Variants in SHANK2 observed in about 807,000 individuals in gnomAD.
SHANK2 encodes SH3 and multiple ankyrin repeat domains protein 2.
A neutral mutation model predicts 133.7 loss-of-function variants in SHANK2; 43 were observed. The ratio of observed to expected loss-of-function variants is 0.32; its 90% CI spans 0.25 to 0.41. SHANK2 has a LOEUF of 0.41. Among genes scored for constraint, SHANK2 ranks in the 10% least tolerant of loss-of-function variants. The pLI, the probability that SHANK2 is intolerant of heterozygous loss-of-function variation, is 1.00. For missense variants in SHANK2, 1,994 were observed against 2,235.8 expected, an observed-to-expected ratio of 0.89 and a Z score of 2.18; for synonymous variants, 1,017 against 952.8, an observed-to-expected ratio of 1.07 and a Z score of -1.24.
At chr11:71,060,644 C>T (rs1346799443) in intron 9 of SHANK2, among the ~76,000 whole-genome samples, 3 of 152,348 alleles carry the variant, frequency 2.0e-5, no homozygotes, top group Non-Finnish European at 2.9e-5. Flanking sequence ...GGGACAGATG[C>T]CCATGGAGCT....
chr11:70,516,826 T>TG (rs1391247841), intron 17 of SHANK2, among the ~76,000 whole-genome samples: 3 of 152,100 alleles, frequency 2.0e-5, no homozygotes, highest in Non-Finnish European at 2.9e-5. Context: ...CCCAGCACTT[T>TG]GGGGGGCCGA....
At chr11:71,190,471 G>T (rs1425942964) in intron 2 of SHANK2, among the ~76,000 whole-genome samples, 1 of 152,168 alleles carries the variant, frequency 6.6e-6, no homozygotes, top group Non-Finnish European at 1.5e-5. Context: ...TGGGAGAAAG[G>T]GACGTCTATA....
chr11:70,628,574 G>A (rs1286032727), intron 17 of SHANK2, among the ~76,000 whole-genome samples: 10 of 152,202 alleles, frequency 6.6e-5, no homozygotes, highest in African/African-American at 2.2e-4. Flanking sequence ...CAGAGGAGGA[G>A]CCTAAGGCGG....
At chr11:71,130,531 G>A (rs1454986983) in intron 3 of SHANK2, among the ~76,000 whole-genome samples, 1 of 152,212 alleles carries the variant, frequency 6.6e-6, no homozygotes, top group Non-Finnish European at 1.5e-5. Flanking sequence ...GACAAAGCTT[G>A]AGAAAATGGT....
intron 3 of SHANK2, among the ~76,000 whole-genome samples, chr11:71,137,438 A>G (rs1398765296): frequency 6.6e-6 from 1 of 152,082 alleles, no homozygotes; most frequent in Non-Finnish European, 1.5e-5. Context: ...TGGGCTTTCA[A>G]CAGAGAAGGT....
chr11:70,933,374 C>T (rs1950527659), intron 10 of SHANK2: 1 of 452,696 alleles, frequency 2.2e-6, no homozygotes, highest in Non-Finnish European at 4.4e-6. Flanking sequence ...GAGGAGGGAA[C>T]AAAGAGTTGG....
intron 17 of SHANK2, among the ~76,000 whole-genome samples, chr11:70,657,779 G>GT (rs1474819563): frequency 6.6e-6 from 1 of 152,212 alleles, no homozygotes; most frequent in Non-Finnish European, 1.5e-5. Flanking sequence ...CATACCAGAG[G>GT]TTAAAAGCAA....
intron 17 of SHANK2, among the ~76,000 whole-genome samples, chr11:70,624,831 G>C (rs2060882646): frequency 6.6e-6 from 1 of 152,224 alleles, no homozygotes; most frequent in Non-Finnish European, 1.5e-5. Flanking sequence ...TTCCACACCT[G>C]GCAGGGCGGC....
chr11:70,725,997 C>T (rs1946173665), intron 14 of SHANK2, among the ~76,000 whole-genome samples: 1 of 152,216 alleles, frequency 6.6e-6, no homozygotes. Flanking sequence ...CGTGAACTCA[C>T]ACACACAGGC....
intron 11 of SHANK2, among the ~76,000 whole-genome samples, chr11:70,831,580 G>A (rs146238154): frequency 3.9e-4 from 59 of 152,244 alleles, no homozygotes; most frequent in African/African-American, 1.3e-3. Flanking sequence ...CTCAAACCCT[G>A]AGACTCACTA....
chr11:70,694,925 C>A (rs1339716907), intron 15 of SHANK2, among the ~76,000 whole-genome samples: 1 of 152,200 alleles, frequency 6.6e-6, no homozygotes, highest in Non-Finnish European at 1.5e-5. Context: ...CCCCTGTCCA[C>A]CCTGCCATGC....
chr11:71,200,210 C>T (rs998127078), intron 2 of SHANK2, among the ~76,000 whole-genome samples: 14 of 152,182 alleles, frequency 9.2e-5, no homozygotes, highest in Admixed American at 9.2e-4. Flanking sequence ...TAAATGGAGT[C>T]ACATCATACG....
intron 11 of SHANK2, among the ~76,000 whole-genome samples, chr11:70,868,283 G>C (rs1949403371): frequency 6.6e-6 from 1 of 152,162 alleles, no homozygotes; most frequent in African/African-American, 2.4e-5. Flanking sequence ...ACATGGGGCG[G>C]TGTGATCTGC....
chr11:70,784,349 T>TTTTTTG (rs1947594566), intron 14 of SHANK2, among the ~76,000 whole-genome samples: 2 of 120,742 alleles, frequency 1.7e-5, no homozygotes, highest in African/African-American at 7.8e-5. Flanking sequence ...GCTAGTTTTT[T>TTTTTTG]TTTTTTTTTT....
intron 11 of SHANK2, among the ~76,000 whole-genome samples, chr11:70,883,843 T>C (rs1373169070): frequency 3.3e-5 from 5 of 152,146 alleles, no homozygotes; most frequent in African/African-American, 7.2e-5. Context: ...CTGAGGATGC[T>C]GGCAGGGCAC....
At chr11:71,200,855 C>T (rs1302987658) in intron 2 of SHANK2, among the ~76,000 whole-genome samples, 1 of 151,798 alleles carries the variant, frequency 6.6e-6, no homozygotes, top group Non-Finnish European at 1.5e-5. Flanking sequence ...CACACACACA[C>T]ACACACACAC....
At position 70,487,188 on chromosome 11, in the gene SHANK2, G is replaced by A. The variant is rs115697891; in HGVS notation, c.3105C>T (p.Ile1035=). The change falls in exon 25 of 26, where the codon ATC becomes ATT. Residue 1035 remains isoleucine, a synonymous_variant. Coordinates refer to ENST00000601538, the MANE Select transcript of SHANK2 (RefSeq NM_012309.5). The surrounding 1 kb of genome is among the most constrained non-coding windows in gnomAD (Gnocchi z 5.8). ...KTCSIPIPTI[I]VKEPSTSSSG... Reference sequence around the variant, plus strand: ...TGCTGCTGGTGGACGGCTCCTTCACGATGATGGTCGGGATAGGGATGGAGC... The same window carrying A: ...TGCTGCTGGTGGACGGCTCCTTCACAATGATGGTCGGGATAGGGATGGAGC... 5.6e-4 allele frequency: 908 copies of A among 1,613,758 alleles called. 4 individuals carry two copies. In the African/African-American group the frequency reaches 0.011, roughly 19 times the overall value.
At chr11:71,184,721 C>T (rs1386077379) in intron 2 of SHANK2, among the ~76,000 whole-genome samples, 15 of 152,230 alleles carry the variant, frequency 9.9e-5, no homozygotes, top group East Asian at 5.8e-4. Context: ...AGATTAAAGA[C>T]GTCCTTCTTT....
In SHANK2 at chr11:70,735,311, C is replaced by T. The variant is rs551485326; in HGVS notation, c.1778-36548G>A. Among the ~76,000 whole-genome samples the T allele has an allele frequency of 1.2e-4, 18 of 152,244 alleles. No homozygotes were observed. In the East Asian group the frequency reaches 2.1e-3, roughly 18 times the overall value. On this transcript the variant is annotated intron_variant, in intron 14 of 25. Transcript: ENST00000601538. Reference sequence around the variant, plus strand: ...CCTGGCTTCCCGAGAGATCCTTCCTCGGGGAGGAGGGATGTGCAGGGAACT... The same window carrying T: ...CCTGGCTTCCCGAGAGATCCTTCCTTGGGGAGGAGGGATGTGCAGGGAACT...
Sources: allele counts gnomAD v4.1 joint callset (sites outside exome capture counted in the v4.1 genomes callset), GRCh38; gene constraint gnomAD v4.1.1; non-coding constraint Gnocchi (gnomAD v3.1); transcripts MANE v1.5; gene names NCBI Gene and HGNC (gene_info 2026-07-23, HGNC 2026-07-21).